Variants in ANKS1A observed in about 807,000 individuals in gnomAD.
ANKS1A encodes ankyrin repeat and SAM domain-containing protein 1A.
A neutral mutation model predicts 120.3 loss-of-function variants in ANKS1A; 55 were observed. That is an observed-to-expected ratio of 0.46 (90% CI 0.37 to 0.57). ANKS1A has a LOEUF of 0.57. Ranked by LOEUF, ANKS1A falls within the 20% of genes least tolerant of loss-of-function variation. The pLI is 0.00. For missense variants in ANKS1A, 1,123 were observed against 1,480.3 expected, an observed-to-expected ratio of 0.76 and a Z score of 3.96; for synonymous variants, 590 against 604.7, an observed-to-expected ratio of 0.98 and a Z score of 0.36.
Position 34,901,506 on chromosome 6 carries a change from G to GT in ANKS1A, c.197+11915dup, listed in dbSNP as rs555682477. Among the ~76,000 whole-genome samples the GT allele has an allele frequency of 1.4e-3, 209 of 151,852 alleles. 1 individual carries two copies. The highest frequency in any genetic ancestry group is 2.2e-3 in the Non-Finnish European group (147 of 67,936). On this transcript the variant is annotated intron_variant, in intron 1 of 23. Transcript: ENST00000360359. ...TGGCTTAGAACTGGGCTGAGGTGGG[G>GT]TTTTTTTTGTTGTTTCTTTTCTGAG...
At chr6:34,897,234 G>A (rs9380465) in intron 1 of ANKS1A, among the ~76,000 whole-genome samples, 11,086 of 152,150 alleles carry the variant, frequency 0.073, 612 homozygotes, top group East Asian at 0.23. Flanking sequence ...CTTGTGATCT[G>A]AAGAATTTGA....
intron 1 of ANKS1A, among the ~76,000 whole-genome samples, chr6:34,944,501 ATCT>A (rs1254961310): frequency 1.3e-5 from 2 of 152,140 alleles, no homozygotes; most frequent in Admixed American, 1.3e-4. Context: ...CCACCTGTAC[ATCT>A]TCTTTGGTGA....
At chr6:35,023,946 T>G (rs935696846) in intron 11 of ANKS1A, 3 of 153,686 alleles carry the variant, frequency 2.0e-5, no homozygotes, top group Non-Finnish European at 4.3e-5. Context: ...TAAATTTTAT[T>G]TTAAACTTTC....
intron 1 of ANKS1A, among the ~76,000 whole-genome samples, chr6:34,924,164 T>C (rs1768589945): frequency 6.6e-6 from 1 of 151,900 alleles, no homozygotes; most frequent in Non-Finnish European, 1.5e-5. Context: ...GGTGTTAATA[T>C]GAACCATCCA....
rs1777990387 is a variant in ANKS1A at position 35,086,481 on chromosome 6, G to A, written c.3304-471G>A. ...GTGTGACATTCTTTCCCCTCTTCCTGAGATGCCCTCTGCCTGTTCTGTGTG... is the reference window on the plus strand; with the variant it reads ...GTGTGACATTCTTTCCCCTCTTCCTAAGATGCCCTCTGCCTGTTCTGTGTG... On this transcript the variant is annotated intron_variant, in intron 22 of 23. Coordinates refer to ENST00000360359, the MANE Select transcript of ANKS1A (RefSeq NM_015245.3). This position sits in a 1 kb window ranked among gnomAD's most constrained non-coding sequence, Gnocchi z 5.1. 4.4e-6 allele frequency: 3 copies of A among 677,120 alleles called. No homozygotes were observed. The highest frequency in any genetic ancestry group is 6.9e-6 in the Non-Finnish European group (3 of 433,054). 41.9% of individuals were successfully genotyped at this position (677,120 alleles called of 1,614,324 possible). A position where few individuals can be genotyped will look rare whatever the true frequency, so the allele number is the denominator to read the frequency against.
chr6:34,923,607 G>C (rs565539604), intron 1 of ANKS1A, among the ~76,000 whole-genome samples: 2 of 152,318 alleles, frequency 1.3e-5, no homozygotes, highest in African/African-American at 4.8e-5. Flanking sequence ...CAGAGGCTTA[G>C]AGTTTAAACA....
chr6:35,080,030 A>G lies in ANKS1A; in HGVS notation c.2544+102A>G, dbSNP rs1019331579. 7 of 1,315,376 alleles carry G rather than the reference A, an allele frequency of 5.3e-6. No individual in the cohort carries two copies. The African/African-American group carries it at 1.0e-4, about 19-fold the overall frequency. The allele number at this position is 1,315,376 out of a possible 1,614,324, so 81.5% of individuals were successfully genotyped here. The stretch of plus-strand genomic sequence containing the variant: ...TCTTCAGAGACCACTGTAGTGTAGG[A>G]GAAAGCAGCTCCAACAAGAAGAGAG... On this transcript the variant is annotated intron_variant, in intron 16 of 23. Transcript: ENST00000360359.
At chr6:34,973,307 A>G (rs1015674601) in intron 3 of ANKS1A, among the ~76,000 whole-genome samples, 9 of 152,110 alleles carry the variant, frequency 5.9e-5, no homozygotes, top group African/African-American at 2.2e-4. Context: ...ATAGGAAACT[A>G]TGTTGCAGGA....
rs748094491 is a variant in ANKS1A at position 34,969,245 on chromosome 6, C to CTATT, written c.279-743_279-740dup. On this transcript the variant is annotated intron_variant, in intron 2 of 23. Coordinates refer to ENST00000360359, the MANE Select transcript of ANKS1A (RefSeq NM_015245.3). ...TGTGTCTGGCTTACTTTTGCAATAA[C>CTATT]TATTTATTTATTTATTTATTTATTT... Among the ~76,000 whole-genome samples, 388 of 152,034 alleles carry CTATT rather than the reference C, an allele frequency of 2.6e-3. 1 individual carries two copies. Among genetic ancestry groups the CTATT allele is most frequent in the Middle Eastern group, 6.8e-3 (2 of 294 alleles).
chr6:34,906,933 C>T (rs1228821839), intron 1 of ANKS1A, among the ~76,000 whole-genome samples: 1 of 152,108 alleles, frequency 6.6e-6, no homozygotes, highest in African/African-American at 2.4e-5. Flanking sequence ...AATCTGGTAG[C>T]CACTGCCTTT....
chr6:34,993,444 T>G (rs1772681209), intron 9 of ANKS1A, among the ~76,000 whole-genome samples: 1 of 152,232 alleles, frequency 6.6e-6, no homozygotes, highest in Non-Finnish European at 1.5e-5. Flanking sequence ...CAGAGACACT[T>G]GACTGCCTGG....
intron 11 of ANKS1A, among the ~76,000 whole-genome samples, chr6:35,036,621 C>T (rs544852975): frequency 2.6e-5 from 4 of 152,230 alleles, no homozygotes; most frequent in Non-Finnish European, 4.4e-5. Context: ...AAACTGTCAA[C>T]ATACCAAATC....
intron 1 of ANKS1A, among the ~76,000 whole-genome samples, chr6:34,907,365 C>G (rs1767694689): frequency 6.6e-6 from 1 of 152,144 alleles, no homozygotes; most frequent in Non-Finnish European, 1.5e-5. Flanking sequence ...TCCCTGGGTA[C>G]ATGTGGGGTA....
chr6:35,007,538 A>G (rs991116158), intron 10 of ANKS1A, among the ~76,000 whole-genome samples: 50 of 152,164 alleles, frequency 3.3e-4, no homozygotes, highest in Admixed American at 1.4e-3. Context: ...TGCTCGCTGG[A>G]TGTTCTGGAC....
Position 35,082,879 on chromosome 6 carries a change from C to A in ANKS1A, c.2835+63C>A. The A allele has an allele frequency of 6.4e-7, 1 of 1,570,784 alleles. No homozygotes were observed. Among genetic ancestry groups the A allele is most frequent in the Non-Finnish European group, 8.6e-7 (1 of 1,159,616 alleles). ...CTGCTCCTTCTCGGCCAGGCACCTGCGGCCAAGTCCCAGCAGGGACTCCAC... is the reference window on the plus strand; with the variant it reads ...CTGCTCCTTCTCGGCCAGGCACCTGAGGCCAAGTCCCAGCAGGGACTCCAC... On this transcript the variant is annotated intron_variant, in intron 18 of 23. Coordinates refer to ENST00000360359, the MANE Select transcript of ANKS1A (RefSeq NM_015245.3). This position sits in a 1 kb window ranked among gnomAD's most constrained non-coding sequence, Gnocchi z 4.1.
intron 10 of ANKS1A, among the ~76,000 whole-genome samples, chr6:35,006,505 A>G (rs1248596609): frequency 1.3e-5 from 2 of 152,192 alleles, no homozygotes; most frequent in African/African-American, 4.8e-5. Context: ...CTGTAATCCC[A>G]GCACTTTGGG....
intron 23 of ANKS1A, 118 bp from the exon 24 acceptor site, chr6:35,088,488 C>A: frequency 7.5e-7 from 1 of 1,330,914 alleles, no homozygotes; most frequent in Non-Finnish European, 1.1e-6. Flanking sequence ...ATGGAGGGTG[C>A]CCCGGGGAGG....
At chr6:34,913,330 GTTGT>G (rs1199419780) in intron 1 of ANKS1A, among the ~76,000 whole-genome samples, 2 of 152,244 alleles carry the variant, frequency 1.3e-5, no homozygotes, top group South Asian at 2.1e-4. Context: ...ATAAAGTAGG[GTTGT>G]TTGTTTGTTT....
At chr6:35,038,490 A>AT (rs1237612325) in intron 11 of ANKS1A, among the ~76,000 whole-genome samples, 2 of 151,444 alleles carry the variant, frequency 1.3e-5, no homozygotes, top group African/African-American at 2.4e-5. Flanking sequence ...TTTTAATTTT[A>AT]TTTTTTTTAG....
Sources: gnomAD v4.1 joint callset for allele counts (sites outside exome capture counted in the v4.1 genomes callset) on GRCh38, gnomAD v4.1.1 for gene constraint, Gnocchi (gnomAD v3.1) non-coding constraint, MANE v1.5 for transcripts, NCBI Gene and HGNC (gene_info 2026-07-23, HGNC 2026-07-21) for gene names.